The following DTL variants were observed in gnomAD, a reference collection of about 807,000 sequenced individuals.
DTL encodes denticleless E3 ubiquitin protein ligase adapter.
DTL carries 46 observed loss-of-function variants against 87.0 expected under a neutral mutation model. That is an observed-to-expected ratio of 0.53 (90% CI 0.42 to 0.68). DTL has a LOEUF of 0.68. Among genes scored for constraint, DTL ranks in the 30% least tolerant of loss-of-function variants. DTL has a pLI of 0.00. For synonymous variants in DTL, 308 were observed against 311.2 expected (o/e 0.99, Z 0.11); for missense variants, 737 against 869.4 (o/e 0.85, Z 1.91).
intron 12 of DTL, among the ~76,000 whole-genome samples, chr1:212,079,176 T>C (rs889729879): frequency 6.6e-6 from 1 of 152,164 alleles, no homozygotes; most frequent in African/African-American, 2.4e-5. Context: ...AAGTCATTAC[T>C]TTAATCACCC....
intron 10 of DTL, 54 bp downstream of exon 10, chr1:212,068,757 T>C (rs879424899): frequency 2.0e-5 from 23 of 1,161,770 alleles, no homozygotes; most frequent in Non-Finnish European, 2.9e-5. Context: ...TGGGCTTTTT[T>C]TGGTAATGAT....
At chr1:212,065,863 G>C (rs984250497) in intron 7 of DTL, among the ~76,000 whole-genome samples, 5 of 151,950 alleles carry the variant, frequency 3.3e-5, no homozygotes, top group African/African-American at 1.2e-4. Context: ...CCACCACCAC[G>C]CCCAGCTAAT....
intron 5 of DTL, among the ~76,000 whole-genome samples, chr1:212,060,382 G>A (rs557638975): frequency 1.3e-5 from 2 of 152,166 alleles, no homozygotes; most frequent in South Asian, 2.1e-4. Context: ...AACGGTGCTG[G>A]GAAAACTGGG....
intron 3 of DTL, among the ~76,000 whole-genome samples, chr1:212,046,444 A>C (rs777272164): frequency 2.6e-5 from 4 of 151,850 alleles, no homozygotes. Flanking sequence ...CTCCCTCTCC[A>C]TGCTCCCCCT....
At chr1:212,063,712 C>T (rs1279965491) in intron 6 of DTL, among the ~76,000 whole-genome samples, 1 of 151,914 alleles carries the variant, frequency 6.6e-6, no homozygotes, top group Non-Finnish European at 1.5e-5. Context: ...TTTTTTGTGT[C>T]TGCATTTTAA....
At chr1:212,096,658 A>C (rs538005730) in intron 13 of DTL, among the ~76,000 whole-genome samples, 1 of 152,282 alleles carries the variant, frequency 6.6e-6, no homozygotes, top group African/African-American at 2.4e-5. Flanking sequence ...TCAGGAGCGG[A>C]TTATTTAATG....
chr1:212,101,136 C>A, intron 14 of DTL, 52 bp downstream of exon 14: 4 of 1,268,664 alleles, frequency 3.2e-6, no homozygotes, highest in Non-Finnish European at 4.3e-6. Context: ...AGGGGCCAGA[C>A]ACCCAGATGT....
At chr1:212,057,679 AG>A (rs977567720) in intron 5 of DTL, among the ~76,000 whole-genome samples, 28 of 152,282 alleles carry the variant, frequency 1.8e-4, no homozygotes, top group African/African-American at 6.3e-4. Flanking sequence ...GAAGGAACAA[AG>A]GATATACAGA....
chr1:212,050,530 A>T (rs1667937814), intron 5 of DTL, among the ~76,000 whole-genome samples: 1 of 152,084 alleles, frequency 6.6e-6, no homozygotes, highest in South Asian at 2.1e-4. Flanking sequence ...TTCATTCTCA[A>T]GTTTTAATTA....
intron 13 of DTL, among the ~76,000 whole-genome samples, chr1:212,083,294 C>T (rs1655039075): frequency 6.6e-6 from 1 of 152,132 alleles, no homozygotes; most frequent in South Asian, 2.1e-4. Flanking sequence ...ACGAGAACAG[C>T]ATGGGAAAGA....
chr1:212,077,943 G>GT (rs1654880264), intron 11 of DTL, among the ~76,000 whole-genome samples: 1 of 152,098 alleles, frequency 6.6e-6, no homozygotes, highest in South Asian at 2.1e-4. Context: ...GTAAGCTCAT[G>GT]TTATTTACTT....
At chr1:212,069,232 A>G (rs187959343) in intron 10 of DTL, among the ~76,000 whole-genome samples, 1 of 152,240 alleles carries the variant, frequency 6.6e-6, no homozygotes, top group African/African-American at 2.4e-5. Flanking sequence ...AGTTTTAAAA[A>G]GAAAACCCAA....
At chr1:212,060,606 G>A (rs887519731) in intron 5 of DTL, among the ~76,000 whole-genome samples, 3 of 151,878 alleles carry the variant, frequency 2.0e-5, no homozygotes, top group Non-Finnish European at 4.4e-5. Context: ...CGTGGTAGGC[G>A]CGCCTGTAGT....
chr1:212,083,453 A>T (rs1168938777), intron 13 of DTL, among the ~76,000 whole-genome samples: 1 of 152,206 alleles, frequency 6.6e-6, no homozygotes, highest in Non-Finnish European at 1.5e-5. Context: ...ATGTGGTACT[A>T]GCAGTGGATT....
chr1:212,086,979 G>A lies in DTL; in HGVS notation c.1261+6229G>A, dbSNP rs1655148419. ...GTGCCATTAATTATCCTTAGTATTA[G>A]AAGCCAAGTCACCAAAAAAGTTACA... On this transcript the variant is annotated intron_variant, in intron 13 of 14. Transcript: ENST00000366991. Among the ~76,000 whole-genome samples, 4 of 152,152 alleles carry A rather than the reference G, an allele frequency of 2.6e-5. No homozygotes were observed. In the South Asian group the frequency reaches 8.3e-4, roughly 32 times the overall value.
In DTL at chr1:212,104,287, TC is replaced by T. The variant is rs1014541657; in HGVS notation, c.*1348del. ...GTCAGTTTTTGTCATTATTTGAAAA[TC>T]TATTCTGACAACTTTTTAATTCCTT... On this transcript the variant is annotated 3_prime_UTR_variant, in exon 15 of 15. Coordinates refer to ENST00000366991, the MANE Select transcript of DTL (RefSeq NM_016448.4). 6 of 21,612 alleles carry T rather than the reference TC, an allele frequency of 2.8e-4. No individual in the cohort carries two copies. The highest frequency in any genetic ancestry group is 6.9e-4 in the African/African-American group (6 of 8,676). The allele number at this position is 21,612 out of a possible 1,614,324, so 1.3% of individuals were successfully genotyped here. A position where few individuals can be genotyped will look rare whatever the true frequency, so the allele number is the denominator to read the frequency against.
chr1:212,067,090 G>C (rs1171138145), intron 8 of DTL, among the ~76,000 whole-genome samples: 2 of 152,234 alleles, frequency 1.3e-5, no homozygotes, highest in Non-Finnish European at 2.9e-5. Context: ...AAGAATACAT[G>C]TGTCACGCTT....
At chr1:212,101,375 G>A (rs72750383) in intron 14 of DTL, among the ~76,000 whole-genome samples, 6,603 of 152,058 alleles carry the variant, frequency 0.043, 194 homozygotes, top group Non-Finnish European at 0.063. Flanking sequence ...TCCTGTCAGG[G>A]TCCATACTCC....
intron 13 of DTL, among the ~76,000 whole-genome samples, chr1:212,086,547 G>T (rs1255894874): frequency 6.6e-6 from 1 of 151,926 alleles, no homozygotes. Flanking sequence ...GCACCACCAC[G>T]CCTGGATAAT....
Sources: allele counts gnomAD v4.1 joint callset (sites outside exome capture counted in the v4.1 genomes callset), GRCh38; gene constraint gnomAD v4.1.1; transcripts MANE v1.5; gene names NCBI Gene and HGNC (gene_info 2026-07-23, HGNC 2026-07-21).